The following NSUN2 variants were observed in gnomAD, a reference collection of about 807,000 sequenced individuals.
NSUN2 encodes the protein RNA cytosine C(5)-methyltransferase NSUN2.
A neutral mutation model predicts 92.7 loss-of-function variants in NSUN2; 63 were observed. That is an observed-to-expected ratio of 0.68 (90% confidence interval 0.56 to 0.84). The LOEUF (loss-of-function observed/expected upper bound fraction) is 0.84. Among genes scored for constraint, NSUN2 ranks in the 40% least tolerant of loss-of-function variants. The pLI is 0.00. For synonymous variants in NSUN2, 356 were observed against 348.3 expected, an observed-to-expected ratio of 1.02 and a Z score of -0.25; for missense variants, 989 against 964.9, an observed-to-expected ratio of 1.02 and a Z score of -0.33.
rs145541259 is a variant in NSUN2, at chr5:6,628,929, G to A, written c.359+2944C>T. On this transcript the variant is annotated intron_variant, in intron 3 of 18. Coordinates refer to ENST00000264670, the MANE Select transcript of NSUN2 (RefSeq NM_017755.6). Reference sequence around the variant, plus strand: ...GCGTGGTGGCATGCACCTGTAGTCCGAGCTACTCAGGAGGCTGAGGTGGGA... The same window carrying A: ...GCGTGGTGGCATGCACCTGTAGTCCAAGCTACTCAGGAGGCTGAGGTGGGA... Among the ~76,000 whole-genome samples the A allele has an allele frequency of 4.1e-3, 631 of 152,126 alleles. 3 individuals are homozygous for A. The highest frequency in any genetic ancestry group is 0.015 in the African/African-American group (602 of 41,506).
chr5:6,621,822 A>G, intron 6 of NSUN2, 194 bp downstream of exon 6: 1 of 543,026 alleles, frequency 1.8e-6, no homozygotes, highest in Middle Eastern at 3.1e-4. Context: ...CCCCCATGGT[A>G]TGAGTGTGTT....
intron 3 of NSUN2, among the ~76,000 whole-genome samples, chr5:6,630,714 A>C (rs1006234401): frequency 3.3e-5 from 5 of 152,212 alleles, no homozygotes; most frequent in Non-Finnish European, 5.9e-5. Flanking sequence ...TGAAAATCTG[A>C]CCTTGATTTG....
intron 3 of NSUN2, among the ~76,000 whole-genome samples, chr5:6,627,270 T>C (rs1737689010): frequency 6.6e-6 from 1 of 152,260 alleles, no homozygotes; most frequent in African/African-American, 2.4e-5. Context: ...AATTTGGCAT[T>C]TGCTATAGTA....
chr5:6,624,900 A>G (rs900797596), intron 4 of NSUN2, among the ~76,000 whole-genome samples: 7 of 152,212 alleles, frequency 4.6e-5, no homozygotes, highest in Non-Finnish European at 8.8e-5. Context: ...TCATTGAATT[A>G]TTTAGTACAT....
chr5:6,625,708 T>A (rs777522502), intron 3 of NSUN2, 39 bp from the exon 4 acceptor site: 14 of 1,458,474 alleles, frequency 9.6e-6, no homozygotes, highest in Non-Finnish European at 1.3e-5. Flanking sequence ...GGATTATAAA[T>A]ACTAAAGTCG....
intron 14 of NSUN2, among the ~76,000 whole-genome samples, chr5:6,605,856 A>G (rs1469562118): frequency 1.0e-5 from 1 of 97,248 alleles, no homozygotes; most frequent in Non-Finnish European, 2.7e-5. Flanking sequence ...CACCACACCT[A>G]ATTTTTTTTT....
At chr5:6,604,307 T>C (rs1464643437) in intron 16 of NSUN2, 31 bp from the exon 17 acceptor site, 23 of 1,565,656 alleles carry the variant, frequency 1.5e-5, no homozygotes, top group Non-Finnish European at 2.0e-5. Context: ...AGAGAACAGA[T>C]ACCATGATGT....
chr5:6,602,647 G>A, intron 17 of NSUN2, 147 bp from the exon 18 acceptor site: 1 of 796,670 alleles, frequency 1.3e-6, no homozygotes. Flanking sequence ...GGATCTAGAT[G>A]GTGAAAAGAG....
At chr5:6,602,406 A>G in intron 18 of NSUN2, 55 bp downstream of exon 18, 1 of 1,547,486 alleles carries the variant, frequency 6.5e-7, no homozygotes. Context: ...CAACGAGAAC[A>G]CTGTAGCTAA....
chr5:6,619,108 C>G (rs1304249354), intron 7 of NSUN2, among the ~76,000 whole-genome samples: 1 of 151,740 alleles, frequency 6.6e-6, no homozygotes, highest in African/African-American at 2.4e-5. Context: ...TCTTTCTGAT[C>G]AAAAAACAGG....
At chr5:6,632,077 A>C in intron 2 of NSUN2, 100 bp from the exon 3 acceptor site, 1 of 898,684 alleles carries the variant, frequency 1.1e-6, no homozygotes, top group South Asian at 1.6e-5. Flanking sequence ...AACTAAAACC[A>C]ACTTTTGCAT....
At chr5:6,617,770 T>G (rs1365344854) in intron 8 of NSUN2, among the ~76,000 whole-genome samples, 180 bp downstream of exon 8, 2 of 152,278 alleles carry the variant, frequency 1.3e-5, no homozygotes, top group Non-Finnish European at 2.9e-5. Context: ...GTATACAATT[T>G]GCAGTTATTG....
intron 3 of NSUN2, among the ~76,000 whole-genome samples, chr5:6,630,423 A>T (rs1484822653): frequency 6.6e-6 from 1 of 152,172 alleles, no homozygotes; most frequent in African/African-American, 2.4e-5. Flanking sequence ...CTCATGCCTC[A>T]GCCTCCCTAG....
chr5:6,624,327 T>C (rs1737568881), intron 4 of NSUN2, among the ~76,000 whole-genome samples: 1 of 151,056 alleles, frequency 6.6e-6, no homozygotes, highest in African/African-American at 2.4e-5. Flanking sequence ...AGATGTTTTG[T>C]GGCCAGCTTT....
In NSUN2 at chr5:6,632,685, C is replaced by T; in HGVS notation, c.168G>A (p.Lys56=). Residue 56 remains lysine (K), a synonymous_variant, in exon 2 of 19, where the codon AAG becomes AAA. Transcript: ENST00000264670. ...KLFEHYYQEL[K]IVPEGEWGQF... ...GGCCCCACTCGCCCTCGGGCACGAT[C>T]TTGAGCTCCTGGTAGTAGTGCTCGA... The T allele has an allele frequency of 3.7e-6, 6 of 1,614,214 alleles. No individual in the cohort carries two copies. Among genetic ancestry groups the T allele is most frequent in the Non-Finnish European group, 5.1e-6 (6 of 1,180,024 alleles).
intron 14 of NSUN2, among the ~76,000 whole-genome samples, chr5:6,606,590 T>C (rs1736781341): frequency 6.6e-6 from 1 of 152,058 alleles, no homozygotes; most frequent in Admixed American, 6.5e-5. Flanking sequence ...CGGTCCAGTT[T>C]TTTTTTATCT....
chr5:6,614,543 C>G (rs1338956187), intron 9 of NSUN2, among the ~76,000 whole-genome samples: 1 of 152,126 alleles, frequency 6.6e-6, no homozygotes, highest in Non-Finnish European at 1.5e-5. Flanking sequence ...AATGATGGTT[C>G]CCCACTGCTG....
intron 3 of NSUN2, among the ~76,000 whole-genome samples, chr5:6,630,005 T>C (rs181191459): frequency 1.3e-5 from 2 of 152,184 alleles, no homozygotes; most frequent in Admixed American, 1.3e-4. Context: ...AGTGTGAAAA[T>C]GGACTACTAC....
At chr5:6,631,106 C>G (rs1321091479) in intron 3 of NSUN2, among the ~76,000 whole-genome samples, 1 of 152,104 alleles carries the variant, frequency 6.6e-6, no homozygotes, top group Non-Finnish European at 1.5e-5. Context: ...AACAAACAAA[C>G]AGACAAACAA....
Sources: gnomAD v4.1 joint callset for allele counts (sites outside exome capture counted in the v4.1 genomes callset) on GRCh38, gnomAD v4.1.1 for gene constraint, MANE v1.5 for transcripts, NCBI Gene and HGNC (gene_info 2026-07-23, HGNC 2026-07-21) for gene names.